Variants in KIF5C observed in about 807,000 individuals in gnomAD.
KIF5C encodes kinesin heavy chain isoform 5C.
A neutral mutation model predicts 125.2 loss-of-function variants in KIF5C; 18 were observed. The observed-to-expected ratio is 0.14, with a 90% CI of 0.10 to 0.21. The LOEUF is 0.21. Among genes scored for constraint, KIF5C ranks in the 10% least tolerant of loss-of-function variants. The pLI, the probability that KIF5C is intolerant of heterozygous loss-of-function variation, is 1.00. For synonymous variants in KIF5C, 405 were observed against 434.0 expected, an observed-to-expected ratio of 0.93 and a Z score of 0.83; for missense variants, 780 against 1,183.8, an observed-to-expected ratio of 0.66 and a Z score of 5.01.
chr2:148,998,601 C>T (rs901090362), intron 19 of KIF5C, 92 bp downstream of exon 19: 2 of 1,522,156 alleles, frequency 1.3e-6, no homozygotes, highest in South Asian at 1.3e-5. Flanking sequence ...AGTCGAGGGC[C>T]CTGCTCACCT....
At chr2:148,885,057 G>A (rs1335345207) in intron 1 of KIF5C, among the ~76,000 whole-genome samples, 2 of 147,824 alleles carry the variant, frequency 1.4e-5, no homozygotes, top group African/African-American at 2.5e-5. Context: ...TGCAACCTCC[G>A]CCTCCACTCA....
intron 3 of KIF5C, among the ~76,000 whole-genome samples, chr2:148,929,812 C>T (rs935903968): frequency 3.4e-4 from 51 of 150,778 alleles, no homozygotes; most frequent in Admixed American, 6.6e-4. Context: ...TTGGACTGCA[C>T]GGTATTTTTT....
rs372752630 is a variant in KIF5C at position 148,907,207 on chromosome 2, A to AG, written c.127-14930_127-14929insG. ...TCCTGTGAAGCTTCTTTAATTAAGAAAACACTGAGAGAGAGCAGTCCCCTG... is the reference window on the plus strand; with the variant it reads ...TCCTGTGAAGCTTCTTTAATTAAGAAGAACACTGAGAGAGAGCAGTCCCCTG... On this transcript the variant is annotated intron_variant, in intron 1 of 25. Transcript: ENST00000435030. Among the ~76,000 whole-genome samples, 865 of 152,374 alleles carry AG rather than the reference A, an allele frequency of 5.7e-3. 4 individuals carry two copies. Among genetic ancestry groups the AG allele is most frequent in the Non-Finnish European group, 9.1e-3 (622 of 68,038 alleles).
chr2:148,985,819 A>G (rs1681368188), intron 15 of KIF5C, among the ~76,000 whole-genome samples: 1 of 152,192 alleles, frequency 6.6e-6, no homozygotes, highest in South Asian at 2.1e-4. Context: ...GGATGGTGTA[A>G]CAGGTCCCAG....
chr2:148,981,532 C>T lies in KIF5C; in HGVS notation c.1540C>T (p.Gln514Ter). The change falls in exon 14 of 26, where the codon CAG becomes TAG. Residue 514 changes from glutamine (Q) to a stop codon, truncating the protein, a stop_gained. Coordinates refer to ENST00000435030, the MANE Select transcript of KIF5C (RefSeq NM_004522.3). LOFTEE classifies it high-confidence loss of function. ...GGAGGATAAGACCCGGGCCAATGAG[C>T]AGCTGACAGACGAGCTGGCCCAGAA... ...EVEDKTRANEQLTDELAQKTT... is the reference protein window; with the variant it reads ...EVEDKTRANE 1 of 1,603,694 alleles carries T rather than the reference C, an allele frequency of 6.2e-7. No individual in the cohort carries two copies. Among genetic ancestry groups the T allele is most frequent in the Non-Finnish European group, 8.5e-7 (1 of 1,175,194 alleles).
intron 12 of KIF5C, among the ~76,000 whole-genome samples, chr2:148,976,249 A>T (rs867570512): frequency 1.8e-5 from 2 of 111,314 alleles, no homozygotes; most frequent in South Asian, 5.2e-4. Flanking sequence ...ATTTTGTTTT[A>T]TTTATTTATT....
rs1681159147 is a variant in KIF5C at position 148,875,602 on chromosome 2, C to T, written c.-16C>T. The stretch of plus-strand genomic sequence containing the variant: ...CCCCCACCCATCCCCGTGCCCCCTC[C>T]CTACCGCCGGCCGAGATGGCGGATC... On this transcript the variant is annotated 5_prime_UTR_variant, in exon 1 of 26. Coordinates refer to ENST00000435030, the MANE Select transcript of KIF5C (RefSeq NM_004522.3). 8.4e-6 allele frequency: 13 copies of T among 1,538,916 alleles called. No homozygotes were observed. The highest frequency in any genetic ancestry group is 1.1e-5 in the Non-Finnish European group (13 of 1,139,908).
At chr2:148,966,342 G>T in intron 11 of KIF5C, among the ~76,000 whole-genome samples, 1 of 151,282 alleles carries the variant, frequency 6.6e-6, no homozygotes, top group Non-Finnish European at 1.5e-5. Flanking sequence ...AGCAAAGTGT[G>T]TGTGTGTGTG....
At chr2:148,962,188 C>A (rs1400697382) in intron 11 of KIF5C, 69 bp downstream of exon 11, 1 of 1,487,766 alleles carries the variant, frequency 6.7e-7, no homozygotes, top group African/African-American at 1.4e-5. Context: ...TTTTTTGAGA[C>A]AGAGTCTCTC....
intron 1 of KIF5C, among the ~76,000 whole-genome samples, chr2:148,906,392 G>A (rs903425185): frequency 1.3e-5 from 2 of 152,130 alleles, no homozygotes; most frequent in African/African-American, 2.4e-5. Context: ...AGTAACTGAT[G>A]TGCTTTACTG....
Position 148,950,004 on chromosome 2 carries a change from ATAG to A in KIF5C, c.819+63_819+65del. 5.2e-6 allele frequency: 8 copies of A among 1,552,404 alleles called. No homozygotes were observed. The South Asian group carries it at 9.6e-5, about 19-fold the overall frequency. ...ATGAGAAACCACCTTTTGGGGCCTC[ATAG>A]TCCCTTTGCCACACACCCCAAAGGC... On this transcript the variant is annotated intron_variant, in intron 9 of 25. Coordinates refer to ENST00000435030, the MANE Select transcript of KIF5C (RefSeq NM_004522.3).
At position 149,023,183 on chromosome 2, in the gene KIF5C, C is replaced by CTGCAA. The variant is rs1682587600; in HGVS notation, c.*117_*118insATGCA. ...TTTTATACTTGCTTACTCCAGCCAT[C>CTGCAA]TGCAGTACACCAGTTTCAGGTCTTT... On this transcript the variant is annotated 3_prime_UTR_variant, in exon 26 of 26. Coordinates refer to ENST00000435030, the MANE Select transcript of KIF5C (RefSeq NM_004522.3). The CTGCAA allele has an allele frequency of 6.6e-6, 1 of 152,050 alleles. No individual in the cohort carries two copies. Among genetic ancestry groups the CTGCAA allele is most frequent in the African/African-American group, 2.4e-5 (1 of 41,388 alleles). 9.4% of individuals were successfully genotyped at this position (152,050 alleles called of 1,614,324 possible). A position where few individuals can be genotyped will look rare whatever the true frequency, so the allele number is the denominator to read the frequency against.
intron 10 of KIF5C, among the ~76,000 whole-genome samples, chr2:148,952,504 A>C (rs1034273060): frequency 6.6e-6 from 1 of 152,224 alleles, no homozygotes; most frequent in Admixed American, 6.5e-5. Flanking sequence ...ACAGGGTATG[A>C]AATCAAGGCT....
chr2:148,934,391 A>G (rs753690536), intron 3 of KIF5C, among the ~76,000 whole-genome samples: 4 of 151,088 alleles, frequency 2.6e-5, no homozygotes, highest in Non-Finnish European at 5.9e-5. Context: ...CCCCACATAC[A>G]TCATACACAC....
intron 1 of KIF5C, among the ~76,000 whole-genome samples, chr2:148,913,869 GT>G (rs950014128): frequency 5.4e-5 from 8 of 149,120 alleles, no homozygotes; most frequent in African/African-American, 2.0e-4. Context: ...AAGAAGGTTT[GT>G]TTTTTTTTTC....
At chr2:148,986,703 T>C (rs1681389927) in intron 15 of KIF5C, among the ~76,000 whole-genome samples, 1 of 152,184 alleles carries the variant, frequency 6.6e-6, no homozygotes, top group Non-Finnish European at 1.5e-5. Flanking sequence ...TTTCACAAGG[T>C]CCCTCCTGGT....
intron 4 of KIF5C, among the ~76,000 whole-genome samples, chr2:148,940,317 A>T (rs532669960): frequency 2.6e-5 from 4 of 152,260 alleles, no homozygotes; most frequent in East Asian, 1.9e-4. Flanking sequence ...TCCATGAGAG[A>T]TGGGCCTCAG....
At chr2:148,885,917 T>C (rs1364152545) in intron 1 of KIF5C, 1 of 152,232 alleles carries the variant, frequency 6.6e-6, no homozygotes, top group Non-Finnish European at 1.5e-5. Context: ...GCTTAGTCTT[T>C]TACTGGTCTC....
At chr2:148,949,746 G>A in intron 8 of KIF5C, 93 bp from the exon 9 acceptor site, 1 of 1,481,518 alleles carries the variant, frequency 6.7e-7, no homozygotes, top group Non-Finnish European at 9.0e-7. Context: ...CTTTCCAGGA[G>A]GCTGTCCCCC....
Sources: gnomAD v4.1 joint callset for allele counts (sites outside exome capture counted in the v4.1 genomes callset) on GRCh38, gnomAD v4.1.1 for gene constraint, MANE v1.5 for transcripts, NCBI Gene and HGNC (gene_info 2026-07-23, HGNC 2026-07-21) for gene names.